The following CNTN5 variants were observed in gnomAD, a reference collection of about 807,000 sequenced individuals.
The protein encoded by CNTN5 is contactin-5.
In CNTN5, 77 loss-of-function variants were observed where a neutral mutation model predicts 129.1. The observed-to-expected ratio is 0.60, with a 90% CI of 0.50 to 0.72. The LOEUF (loss-of-function observed/expected upper bound fraction) is 0.72, where lower values mean the gene tolerates loss of function less well. CNTN5 is among the 30% of genes least tolerant of loss of function. CNTN5 has a pLI of 0.00. For synonymous variants in CNTN5, 509 were observed against 465.6 expected, an observed-to-expected ratio of 1.09 and a Z score of -1.20; for missense variants, 1,478 against 1,328.8, an observed-to-expected ratio of 1.11 and a Z score of -1.75.
intron 6 of CNTN5, among the ~76,000 whole-genome samples, chr11:99,848,238 G>A (rs896585833): frequency 2.0e-5 from 3 of 151,780 alleles, no homozygotes; most frequent in African/African-American, 7.3e-5. Flanking sequence ...CAAAAAATTC[G>A]GTTGGCAACT....
intron 3 of CNTN5, among the ~76,000 whole-genome samples, chr11:99,692,107 TTCTC>T (rs1326120634): frequency 1.3e-5 from 2 of 152,108 alleles, no homozygotes; most frequent in African/African-American, 4.8e-5. Context: ...ATTTTCCTCT[TTCTC>T]TTTATTTTCG....
chr11:99,687,552 A>G (rs546545185), intron 3 of CNTN5, among the ~76,000 whole-genome samples: 1 of 152,310 alleles, frequency 6.6e-6, no homozygotes, highest in South Asian at 2.1e-4. Context: ...AATTTTCAAA[A>G]TGCTCACTTA....
At chr11:99,931,126 C>T (rs1211773570) in intron 7 of CNTN5, among the ~76,000 whole-genome samples, 1 of 152,078 alleles carries the variant, frequency 6.6e-6, no homozygotes, top group South Asian at 2.1e-4. Flanking sequence ...TCAACAGATA[C>T]ATTTTGACAT....
intron 2 of CNTN5, among the ~76,000 whole-genome samples, chr11:99,348,022 T>C (rs537736151): frequency 6.6e-6 from 1 of 152,324 alleles, no homozygotes; most frequent in African/African-American, 2.4e-5. Flanking sequence ...TAAATAATGT[T>C]ATTTATTTAA....
At chr11:99,125,097 C>T (rs911268933) in intron 1 of CNTN5, among the ~76,000 whole-genome samples, 1 of 152,022 alleles carries the variant, frequency 6.6e-6, no homozygotes, top group Non-Finnish European at 1.5e-5. Flanking sequence ...AGGAAGGACT[C>T]CTCCATAACT....
chr11:99,731,029 T>TA (rs369280449), intron 3 of CNTN5, among the ~76,000 whole-genome samples: 38 of 152,172 alleles, frequency 2.5e-4, no homozygotes, highest in Non-Finnish European at 5.0e-4. Context: ...CATATATGAG[T>TA]AGAAACACAT....
At chr11:99,052,710 A>T (rs1032624076) in intron 1 of CNTN5, among the ~76,000 whole-genome samples, 3 of 151,836 alleles carry the variant, frequency 2.0e-5, no homozygotes, top group African/African-American at 7.2e-5. Context: ...AAAGACATCT[A>T]GTGGTTACAT....
At chr11:99,022,712 T>C (rs1862931403) in intron 1 of CNTN5, among the ~76,000 whole-genome samples, 1 of 152,050 alleles carries the variant, frequency 6.6e-6, no homozygotes, top group African/African-American at 2.4e-5. Flanking sequence ...GTTAAAGTTA[T>C]AAAAAGGGAA....
At chr11:99,169,311 A>G (rs186618910) in intron 1 of CNTN5, among the ~76,000 whole-genome samples, 110 of 152,104 alleles carry the variant, frequency 7.2e-4, no homozygotes, top group Middle Eastern at 3.4e-3. Flanking sequence ...TTCCTGTGCT[A>G]TTTTATAGTC....
chr11:99,253,303 A>G (rs1413506362), intron 1 of CNTN5, among the ~76,000 whole-genome samples: 6 of 152,112 alleles, frequency 3.9e-5, no homozygotes, highest in Non-Finnish European at 7.4e-5. Flanking sequence ...CCTCAGCCAT[A>G]TGAAACTGTG....
chr11:99,860,499 G>T (rs1345848964), intron 6 of CNTN5, among the ~76,000 whole-genome samples: 1 of 152,090 alleles, frequency 6.6e-6, no homozygotes, highest in Admixed American at 6.6e-5. Flanking sequence ...GAAATGTAGA[G>T]GTCCAATTTC....
At chr11:99,093,735 C>T (rs549380965) in intron 1 of CNTN5, among the ~76,000 whole-genome samples, 3 of 152,036 alleles carry the variant, frequency 2.0e-5, no homozygotes, top group East Asian at 1.9e-4. Flanking sequence ...CTTTACATTT[C>T]GTCTGGCATA....
intron 8 of CNTN5, among the ~76,000 whole-genome samples, chr11:99,982,208 T>C (rs1938391210): frequency 6.6e-6 from 1 of 152,182 alleles, no homozygotes. Flanking sequence ...GCCGGGGCTA[T>C]GGTAGTCAAG....
At chr11:99,680,566 G>A (rs1279248714) in intron 3 of CNTN5, among the ~76,000 whole-genome samples, 5 of 152,054 alleles carry the variant, frequency 3.3e-5, no homozygotes, top group African/African-American at 9.7e-5. Flanking sequence ...AAAACATGAC[G>A]GCTCATTGAC....
intron 9 of CNTN5, among the ~76,000 whole-genome samples, chr11:100,057,346 A>G (rs982572944): frequency 6.6e-6 from 1 of 150,832 alleles, no homozygotes; most frequent in African/African-American, 2.4e-5. Flanking sequence ...TAAAATGCTT[A>G]TTTTAGAGAC....
At chr11:99,463,108 A>AAAATAAAAAAAT (rs1944783428) in intron 2 of CNTN5, among the ~76,000 whole-genome samples, 1 of 121,118 alleles carries the variant, frequency 8.3e-6, no homozygotes, top group Non-Finnish European at 1.7e-5. Context: ...ACTCCATCTC[A>AAAATAAAAAAAT]AAATAAATAA....
intron 13 of CNTN5, among the ~76,000 whole-genome samples, chr11:100,117,779 T>G (rs886776717): frequency 6.6e-6 from 1 of 151,840 alleles, no homozygotes; most frequent in Non-Finnish European, 1.5e-5. Flanking sequence ...CACACTATAT[T>G]TTACTTAACA....
At chr11:99,664,437 C>T (rs1042479555) in intron 3 of CNTN5, among the ~76,000 whole-genome samples, 12 of 152,024 alleles carry the variant, frequency 7.9e-5, no homozygotes, top group Admixed American at 2.0e-4. Flanking sequence ...CAGAAAAGGC[C>T]GTGCTTTAGG....
At chr11:99,968,613 T>G (rs898546524) in intron 8 of CNTN5, among the ~76,000 whole-genome samples, 13 of 151,278 alleles carry the variant, frequency 8.6e-5, no homozygotes, top group Non-Finnish European at 1.8e-4. Flanking sequence ...CTGATTAGTC[T>G]GTTTATCATA....
Sources: allele counts gnomAD v4.1 joint callset (sites outside exome capture counted in the v4.1 genomes callset), GRCh38; gene constraint gnomAD v4.1.1; transcripts MANE v1.5; gene names NCBI Gene and HGNC (gene_info 2026-07-23, HGNC 2026-07-21).